WSCD2: variants seen among roughly 807,000 people sequenced by gnomAD.
The protein encoded by WSCD2 is sialate:O-sulfotransferase 2.
In WSCD2, 28 loss-of-function variants were observed where a neutral mutation model predicts 55.7. That is an observed-to-expected ratio of 0.50 (90% CI 0.37 to 0.69). WSCD2 has a LOEUF of 0.69. Ranked by LOEUF, WSCD2 falls within the 30% of genes least tolerant of loss-of-function variation. WSCD2 has a pLI of 0.00. For synonymous variants in WSCD2, 301 were observed against 301.9 expected (o/e 1.00, Z 0.03); for missense variants, 616 against 762.1 (o/e 0.81, Z 2.26).
intron 1 of WSCD2, among the ~76,000 whole-genome samples, chr12:108,135,305 A>G (rs183628253): frequency 2.0e-5 from 3 of 152,340 alleles, no homozygotes; most frequent in African/African-American, 7.2e-5. Context: ...TCTGTCTTCA[A>G]TGAGCTTACA....
At chr12:108,207,533 CTT>C (rs35090663) in intron 3 of WSCD2, among the ~76,000 whole-genome samples, 2,385 of 53,530 alleles carry the variant, frequency 0.045, 28 homozygotes, top group African/African-American at 0.092. Flanking sequence ...CCATGCCTGG[CTT>C]TTTTTTTTTT....
chr12:108,161,449 G>A (rs903057583), intron 1 of WSCD2, among the ~76,000 whole-genome samples: 1 of 152,124 alleles, frequency 6.6e-6, no homozygotes, highest in East Asian at 1.9e-4. Context: ...CAGGAGAAAG[G>A]ACATGGGAAC....
chr12:108,168,395 C>T lies in WSCD2; in HGVS notation c.-551-26887C>T, dbSNP rs184096492. Among the ~76,000 whole-genome samples the T allele has an allele frequency of 2.1e-3, 321 of 152,316 alleles. 1 individual carries two copies. The highest frequency in any genetic ancestry group is 7.0e-3 in the African/African-American group (293 of 41,566). On this transcript the variant is annotated intron_variant, in intron 1 of 8. Transcript: ENST00000547525. ...CATGTCTCCCTTAAATGTCCCTTTACTCTGCCCCCATCTCCTCCATTAGGT... is the reference window on the plus strand; with the variant it reads ...CATGTCTCCCTTAAATGTCCCTTTATTCTGCCCCCATCTCCTCCATTAGGT...
intron 1 of WSCD2, among the ~76,000 whole-genome samples, chr12:108,194,363 G>T (rs4964652): frequency 6.6e-6 from 1 of 152,174 alleles, no homozygotes; most frequent in East Asian, 1.9e-4. Flanking sequence ...ATGGGCTACC[G>T]TCTGGGGGGC....
chr12:108,140,962 G>A (rs2136879546), intron 1 of WSCD2, among the ~76,000 whole-genome samples: 1 of 152,398 alleles, frequency 6.6e-6, no homozygotes, highest in South Asian at 2.1e-4. Context: ...AGCGTGAGCG[G>A]ATGAGTTCCC....
chr12:108,139,282 CAA>C (rs1470406616), intron 1 of WSCD2, among the ~76,000 whole-genome samples: 11 of 152,204 alleles, frequency 7.2e-5, no homozygotes, highest in Admixed American at 3.9e-4. Flanking sequence ...TACTTTCAAA[CAA>C]GAGAGAATTT....
At chr12:108,191,712 G>A (rs1487976838) in intron 1 of WSCD2, among the ~76,000 whole-genome samples, 1 of 152,074 alleles carries the variant, frequency 6.6e-6, no homozygotes, top group Non-Finnish European at 1.5e-5. Flanking sequence ...CCCTCCATGG[G>A]GCTCAGCTTC....
intron 1 of WSCD2, among the ~76,000 whole-genome samples, chr12:108,184,645 C>A (rs1882225279): frequency 6.6e-6 from 1 of 152,166 alleles, no homozygotes; most frequent in Non-Finnish European, 1.5e-5. Context: ...TCTCTGAGCC[C>A]CCGGGTTCCT....
intron 1 of WSCD2, among the ~76,000 whole-genome samples, chr12:108,171,200 G>A (rs1880204477): frequency 6.6e-6 from 1 of 152,200 alleles, no homozygotes; most frequent in Non-Finnish European, 1.5e-5. Context: ...TCTCTGACAT[G>A]CAAACATCTG....
At chr12:108,197,299 C>A (rs576031165) in intron 2 of WSCD2, 1 of 152,392 alleles carries the variant, frequency 6.6e-6, no homozygotes, top group South Asian at 2.1e-4. Context: ...CATTCTCCTG[C>A]CCCAGTCCTG....
At chr12:108,222,718 G>A (rs967420501) in intron 4 of WSCD2, among the ~76,000 whole-genome samples, 2 of 152,098 alleles carry the variant, frequency 1.3e-5, no homozygotes, top group African/African-American at 4.8e-5. Context: ...GGTCTTCAAC[G>A]CCTGGCCTCA....
chr12:108,170,723 T>G (rs949502628), intron 1 of WSCD2, among the ~76,000 whole-genome samples: 1 of 152,180 alleles, frequency 6.6e-6, no homozygotes, highest in Non-Finnish European at 1.5e-5. Context: ...TAAAAGTGAT[T>G]CTTATGTAGC....
chr12:108,189,579 G>C (rs746884053), intron 1 of WSCD2: 1 of 152,128 alleles, frequency 6.6e-6, no homozygotes, highest in Non-Finnish European at 1.5e-5. Flanking sequence ...CTACCAAACT[G>C]ACCAAAAAGG....
At chr12:108,166,803 TTCTC>T (rs1284704668) in intron 1 of WSCD2, among the ~76,000 whole-genome samples, 1 of 141,616 alleles carries the variant, frequency 7.1e-6, no homozygotes, top group African/African-American at 2.7e-5. Context: ...CTTTCTTTCT[TTCTC>T]TCTTTTTTTC....
intron 1 of WSCD2, among the ~76,000 whole-genome samples, chr12:108,154,722 G>A (rs1180844275): frequency 6.6e-6 from 1 of 151,894 alleles, no homozygotes; most frequent in Non-Finnish European, 1.5e-5. Context: ...TTTCTTTTTC[G>A]GATTAATAAT....
chr12:108,191,976 G>A (rs546570169), intron 1 of WSCD2, among the ~76,000 whole-genome samples: 64 of 152,224 alleles, frequency 4.2e-4, no homozygotes, highest in Admixed American at 2.8e-3. Context: ...AGCCCCTTTC[G>A]CACCCACTTA....
At chr12:108,216,474 C>A (rs1426360) in intron 4 of WSCD2, among the ~76,000 whole-genome samples, 1 of 152,058 alleles carries the variant, frequency 6.6e-6, no homozygotes, top group African/African-American at 2.4e-5. Context: ...AGACTATGAG[C>A]TGTGAAAAGC....
intron 6 of WSCD2, among the ~76,000 whole-genome samples, chr12:108,227,743 T>TGATGAC (rs1888279071): frequency 6.6e-6 from 1 of 151,270 alleles, no homozygotes; most frequent in Non-Finnish European, 1.5e-5. Context: ...ATGATGATGA[T>TGATGAC]GATGATGATG....
intron 1 of WSCD2, among the ~76,000 whole-genome samples, chr12:108,182,018 A>G (rs1384575930): frequency 1.3e-5 from 2 of 152,226 alleles, no homozygotes; most frequent in Non-Finnish European, 2.9e-5. Context: ...CTGTTAAGTG[A>G]CAAGCCAAGA....
Sources: allele counts gnomAD v4.1 joint callset (sites outside exome capture counted in the v4.1 genomes callset), GRCh38; gene constraint gnomAD v4.1.1; transcripts MANE v1.5; gene names NCBI Gene and HGNC (gene_info 2026-07-23, HGNC 2026-07-21).